The following SHLD1 variants were observed in gnomAD, a reference collection of about 807,000 sequenced individuals.
The protein encoded by SHLD1 is shieldin complex subunit 1, also known as RINN1-REV7-interacting novel NHEJ regulator 3.
In SHLD1, 3 loss-of-function variants were observed where a neutral mutation model predicts 5.5. The ratio of observed to expected loss-of-function variants is 0.54; its 90% CI spans 0.25 to 1.40. The LOEUF (loss-of-function observed/expected upper bound fraction) is 1.40. Among genes scored for constraint, SHLD1 ranks in the 40% most tolerant of loss-of-function variants. SHLD1 has a pLI of 0.15. For synonymous variants in SHLD1, 92 were observed against 94.3 expected (o/e 0.98, Z 0.14); for missense variants, 210 against 244.4 (o/e 0.86, Z 0.94).
In SHLD1 at chr20:5,773,290, C is replaced by T. The variant is rs1441800589; in HGVS notation, c.178+247C>T. Reference sequence around the variant, plus strand: ...TATTGTTGCTGTTAATCTCAGGTCTCTTTCTAATCTCCCTCAAAATGAATT... The same window carrying T: ...TATTGTTGCTGTTAATCTCAGGTCTTTTTCTAATCTCCCTCAAAATGAATT... On this transcript the variant is annotated intron_variant, in intron 2 of 2. Transcript: ENST00000303142. 4.8e-6 allele frequency: 3 copies of T among 624,418 alleles called. No homozygotes were observed. The Admixed American group carries it at 8.4e-5, about 17-fold the overall frequency. The allele number at this position is 624,418 out of a possible 1,614,324, so 38.7% of individuals were successfully genotyped here.
At chr20:5,812,808 G>C (rs2087477292) in intron 2 of SHLD1, among the ~76,000 whole-genome samples, 1 of 152,130 alleles carries the variant, frequency 6.6e-6, no homozygotes, top group South Asian at 2.1e-4. Context: ...CCTGTTCCTA[G>C]GGTCGGGGAT....
chr20:5,860,098 G>C (rs542060754), intron 2 of SHLD1, among the ~76,000 whole-genome samples: 1 of 133,826 alleles, frequency 7.5e-6, no homozygotes, highest in Non-Finnish European at 1.6e-5. Context: ...CCCAGCTTCT[G>C]TCTTCCAGCC....
intron 2 of SHLD1, among the ~76,000 whole-genome samples, chr20:5,856,781 G>A (rs1354114829): frequency 2.6e-5 from 4 of 152,106 alleles, no homozygotes; most frequent in African/African-American, 9.7e-5. Context: ...ATTGGAAGAA[G>A]CATTTTATAT....
chr20:5,775,259 T>A (rs1449802398), intron 2 of SHLD1, among the ~76,000 whole-genome samples: 1 of 151,936 alleles, frequency 6.6e-6, no homozygotes, highest in Non-Finnish European at 1.5e-5. Flanking sequence ...CCCAGGCAAG[T>A]CTCGAACTCT....
intron 2 of SHLD1, among the ~76,000 whole-genome samples, chr20:5,831,986 T>C (rs2087733885): frequency 1.3e-5 from 2 of 152,346 alleles, no homozygotes; most frequent in Admixed American, 6.5e-5. Context: ...CTTGCTCTTT[T>C]GCCCAAGCTG....
At chr20:5,846,694 C>T (rs2087936688) in intron 2 of SHLD1, among the ~76,000 whole-genome samples, 1 of 152,204 alleles carries the variant, frequency 6.6e-6, no homozygotes, top group African/African-American at 2.4e-5. Context: ...ACAGCTTTGC[C>T]TCCTGAGAGC....
chr20:5,772,079 T>C, intron 1 of SHLD1: 2 of 413,544 alleles, frequency 4.8e-6, no homozygotes, highest in Admixed American at 5.3e-5. Context: ...TTTCACCATG[T>C]TGGCCAGGCT....
chr20:5,812,999 T>G (rs1187813847), intron 2 of SHLD1, among the ~76,000 whole-genome samples: 2 of 152,036 alleles, frequency 1.3e-5, no homozygotes, highest in Non-Finnish European at 2.9e-5. Context: ...CTCAGCCTCC[T>G]AAGTACCTGG....
chr20:5,806,326 T>A lies in SHLD1; in HGVS notation c.178+33283T>A, dbSNP rs2087375050. On this transcript the variant is annotated intron_variant, in intron 2 of 2. Coordinates refer to ENST00000303142, the MANE Select transcript of SHLD1 (RefSeq NM_152504.4). The surrounding 1 kb of genome is among the most constrained non-coding windows in gnomAD (Gnocchi z 7.6). ...TGCTATTGGTCCACAGTATATGGAT[T>A]TGTGGATCGTGTCTTCTTCCTTCCA... Among the ~76,000 whole-genome samples, 1 of 152,240 alleles carries A rather than the reference T, an allele frequency of 6.6e-6. No homozygotes were observed. The highest frequency in any genetic ancestry group is 1.5e-5 in the Non-Finnish European group (1 of 68,032).
intron 1 of SHLD1, among the ~76,000 whole-genome samples, chr20:5,767,170 T>C (rs1217054114): frequency 1.3e-5 from 2 of 151,842 alleles, no homozygotes; most frequent in Admixed American, 1.3e-4. Context: ...AGTCTCGCTC[T>C]GTCACCCAAG....
intron 2 of SHLD1, among the ~76,000 whole-genome samples, chr20:5,781,383 G>T (rs187699866): frequency 6.6e-6 from 1 of 152,278 alleles, no homozygotes. Flanking sequence ...GCGGGACAGA[G>T]TGAGACCCTC....
chr20:5,804,756 T>C (rs2087349434), intron 2 of SHLD1, among the ~76,000 whole-genome samples: 1 of 152,246 alleles, frequency 6.6e-6, no homozygotes, highest in African/African-American at 2.4e-5. Flanking sequence ...TGTTCAATTT[T>C]GCATGAGATG....
In SHLD1 at chr20:5,863,010, G is replaced by A. The variant is rs768862384; in HGVS notation, c.179-14G>A. 23 of 1,556,584 alleles carry A rather than the reference G, an allele frequency of 1.5e-5. No homozygotes were observed. The highest frequency in any genetic ancestry group is 2.8e-5 in the African/African-American group (2 of 72,626). On this transcript the variant is annotated splice_polypyrimidine_tract_variant and intron_variant, in intron 2 of 2. Transcript: ENST00000303142. ...ATTGTGTGTTTGAGTATTGGAATAC[G>A]TTTTGTCTTGCAGACACCAGTAACT...
intron 1 of SHLD1, among the ~76,000 whole-genome samples, chr20:5,757,738 G>T (rs771881295): frequency 5.9e-5 from 9 of 152,044 alleles, no homozygotes; most frequent in African/African-American, 2.2e-4. Flanking sequence ...GAGTACCTGG[G>T]ATTACAGGTG....
At chr20:5,800,629 A>T (rs574572782) in intron 2 of SHLD1, among the ~76,000 whole-genome samples, 1 of 152,252 alleles carries the variant, frequency 6.6e-6, no homozygotes, top group African/African-American at 2.4e-5. Flanking sequence ...CGGAGGTTGC[A>T]GTGAGCCAAG....
chr20:5,759,594 C>T (rs993735861), intron 1 of SHLD1, among the ~76,000 whole-genome samples: 1 of 152,006 alleles, frequency 6.6e-6, no homozygotes, highest in Non-Finnish European at 1.5e-5. Flanking sequence ...AGTGCAGTGG[C>T]ATAATCACAG....
At chr20:5,850,112 C>CAATAATAATAAT (rs113975793) in intron 2 of SHLD1, among the ~76,000 whole-genome samples, 2,417 of 130,190 alleles carry the variant, frequency 0.019, 44 homozygotes, top group East Asian at 0.025. Flanking sequence ...GACCCCGTCT[C>CAATAATAATAAT]AATAATAATA....
chr20:5,798,091 T>C (rs938199039), intron 2 of SHLD1, among the ~76,000 whole-genome samples: 1 of 152,232 alleles, frequency 6.6e-6, no homozygotes, highest in Non-Finnish European at 1.5e-5. Flanking sequence ...CTTGGGGGCT[T>C]GAATGGTCTG....
chr20:5,756,934 C>T (rs1008143492), intron 1 of SHLD1: 10 of 159,186 alleles, frequency 6.3e-5, no homozygotes, highest in African/African-American at 2.4e-4. Context: ...GCTAAGGCTT[C>T]TAGTACAATA....
Sources: gnomAD v4.1 joint callset for allele counts (sites outside exome capture counted in the v4.1 genomes callset) on GRCh38, gnomAD v4.1.1 for gene constraint, Gnocchi (gnomAD v3.1) non-coding constraint, MANE v1.5 for transcripts, NCBI Gene and HGNC (gene_info 2026-07-23, HGNC 2026-07-21) for gene names.